LYN: variants seen among roughly 807,000 people sequenced by gnomAD.
LYN encodes the protein tyrosine-protein kinase Lyn.
Under a neutral mutation model 65.0 loss-of-function variants are expected in LYN, and 12 were observed. The ratio of observed to expected loss-of-function variants is 0.18; its 90% CI spans 0.12 to 0.30. LYN has a LOEUF of 0.30. Ranked by LOEUF, LYN falls within the 10% of genes least tolerant of loss-of-function variation. LYN has a pLI of 1.00. For synonymous variants in LYN, 222 were observed against 221.2 expected, an observed-to-expected ratio of 1.00 and a Z score of -0.03; for missense variants, 380 against 623.2, an observed-to-expected ratio of 0.61 and a Z score of 4.16.
chr8:55,905,920 A>T (rs1364862122), intron 1 of LYN, among the ~76,000 whole-genome samples: 1 of 152,094 alleles, frequency 6.6e-6, no homozygotes, highest in Non-Finnish European at 1.5e-5. Context: ...ATTCATCTTG[A>T]CTTCTGGAAA....
intron 10 of LYN, among the ~76,000 whole-genome samples, chr8:55,975,802 CTT>C (rs1285970295): frequency 2.4e-4 from 4 of 16,912 alleles, no homozygotes; most frequent in Admixed American, 8.6e-4. Flanking sequence ...AACAGGAACT[CTT>C]TTTTTTTTTT....
intron 9 of LYN, among the ~76,000 whole-genome samples, chr8:55,969,039 T>A (rs2719254): frequency 6.6e-6 from 1 of 151,914 alleles, no homozygotes; most frequent in African/African-American, 2.4e-5. Flanking sequence ...CCAGCCCTTT[T>A]GGAGGCCAAG....
intron 1 of LYN, among the ~76,000 whole-genome samples, chr8:55,887,557 AAT>A (rs1196278216): frequency 0.11 from 7,462 of 68,578 alleles, 238 homozygotes; most frequent in South Asian, 0.22. Context: ...TAAAAATATA[AAT>A]ATATATATAT....
At chr8:55,964,113 G>C (rs1807372655) in intron 8 of LYN, among the ~76,000 whole-genome samples, 1 of 152,028 alleles carries the variant, frequency 6.6e-6, no homozygotes, top group Non-Finnish European at 1.5e-5. Flanking sequence ...CATTATTTTA[G>C]GTAGGTGGTA....
intron 8 of LYN, among the ~76,000 whole-genome samples, chr8:55,961,629 G>GT (rs915560368): frequency 3.3e-5 from 5 of 151,658 alleles, no homozygotes; most frequent in Admixed American, 2.0e-4. Context: ...CTTGGAAAGC[G>GT]TTTTTTTTCC....
At chr8:55,971,814 C>T (rs1486219231) in intron 10 of LYN, among the ~76,000 whole-genome samples, 2 of 152,156 alleles carry the variant, frequency 1.3e-5, no homozygotes. Flanking sequence ...AGTAATTTTT[C>T]TAACCTCGAA....
intron 10 of LYN, among the ~76,000 whole-genome samples, chr8:55,972,353 C>A (rs1194644832): frequency 6.6e-6 from 1 of 152,180 alleles, no homozygotes; most frequent in African/African-American, 2.4e-5. Flanking sequence ...GGTGAGACCA[C>A]CTGGTCTCCA....
At chr8:55,896,792 G>T (rs968486980) in intron 1 of LYN, among the ~76,000 whole-genome samples, 1 of 152,182 alleles carries the variant, frequency 6.6e-6, no homozygotes, top group African/African-American at 2.4e-5. Context: ...AGGTTGGAGT[G>T]CAGTGGCGTG....
intron 12 of LYN, among the ~76,000 whole-genome samples, chr8:56,009,531 G>A (rs1200272056): frequency 6.6e-6 from 1 of 152,096 alleles, no homozygotes; most frequent in Non-Finnish European, 1.5e-5. Flanking sequence ...CCTCTCTCCT[G>A]GACTTGTAGA....
intron 1 of LYN, chr8:55,893,755 T>G (rs2130367388): frequency 6.6e-6 from 1 of 151,912 alleles, no homozygotes; most frequent in East Asian, 1.9e-4. Flanking sequence ...TTAAAAAACT[T>G]TTTTTTAAAG....
chr8:55,978,778 A>T (rs1399189668), intron 10 of LYN, among the ~76,000 whole-genome samples: 1 of 152,188 alleles, frequency 6.6e-6, no homozygotes, highest in Admixed American at 6.5e-5. Context: ...GGACTTTGCG[A>T]CAGGGAAGTC....
At chr8:55,896,447 T>G (rs1341065318) in intron 1 of LYN, among the ~76,000 whole-genome samples, 4 of 150,354 alleles carry the variant, frequency 2.7e-5, no homozygotes, top group African/African-American at 9.8e-5. Context: ...AAGTGGGAGC[T>G]GAACAATGAG....
At chr8:55,992,578 C>T (rs139081432) in intron 10 of LYN, among the ~76,000 whole-genome samples, 4 of 152,336 alleles carry the variant, frequency 2.6e-5, no homozygotes, top group African/African-American at 9.6e-5. Context: ...ATCTGGACTT[C>T]CTCCCCAACC....
chr8:55,936,887 C>G (rs969246179), intron 1 of LYN, among the ~76,000 whole-genome samples: 4 of 152,186 alleles, frequency 2.6e-5, no homozygotes, highest in African/African-American at 9.7e-5. Flanking sequence ...CCTTTGATTA[C>G]CTAGCACAGG....
chr8:55,893,345 A>G (rs555229069), intron 1 of LYN, among the ~76,000 whole-genome samples: 1 of 152,344 alleles, frequency 6.6e-6, no homozygotes, highest in South Asian at 2.1e-4. Context: ...GTTTCCACTG[A>G]CCCACATGTA....
At chr8:55,949,362 C>T (rs1366190058) in intron 4 of LYN, among the ~76,000 whole-genome samples, 2 of 152,192 alleles carry the variant, frequency 1.3e-5, no homozygotes, top group East Asian at 1.9e-4. Flanking sequence ...CGCAGTGATG[C>T]GTGCTTTAGT....
At chr8:55,931,751 T>C (rs555591099) in intron 1 of LYN, among the ~76,000 whole-genome samples, 143 of 152,302 alleles carry the variant, frequency 9.4e-4, no homozygotes, top group African/African-American at 3.3e-3. Context: ...TATCATGTTC[T>C]AGATCAATTT....
At chr8:55,884,602 C>T (rs1804739967) in intron 1 of LYN, among the ~76,000 whole-genome samples, 1 of 151,856 alleles carries the variant, frequency 6.6e-6, no homozygotes, top group African/African-American at 2.4e-5. Context: ...ATTACAGGCG[C>T]CCGCCACCAT....
At chr8:55,908,436 G>T (rs1398052852) in intron 1 of LYN, among the ~76,000 whole-genome samples, 2 of 151,730 alleles carry the variant, frequency 1.3e-5, no homozygotes, top group Non-Finnish European at 1.5e-5. Flanking sequence ...GTAGAGACAG[G>T]GTTTCACCAT....
Sources: gnomAD v4.1 joint callset for allele counts (sites outside exome capture counted in the v4.1 genomes callset) on GRCh38, gnomAD v4.1.1 for gene constraint, MANE v1.5 for transcripts, NCBI Gene and HGNC (gene_info 2026-07-23, HGNC 2026-07-21) for gene names.